Variants in IQGAP1 observed in about 807,000 individuals in gnomAD.
IQGAP1 encodes the protein IQ motif containing GTPase activating protein 1.
Under a neutral mutation model 215.6 loss-of-function variants are expected in IQGAP1, and 66 were observed. The ratio of observed to expected loss-of-function variants is 0.31; its 90% CI spans 0.25 to 0.38. The LOEUF is 0.38. IQGAP1 is among the 10% of genes least tolerant of loss of function. The probability of loss-of-function intolerance (pLI) is 1.00; values close to 1 mark genes in which losing one functional copy is unlikely to be tolerated. For synonymous variants in IQGAP1, 772 were observed against 728.7 expected (o/e 1.06, Z -0.96); for missense variants, 1,712 against 1,997.1 (o/e 0.86, Z 2.72).
At chr15:90,449,198 G>T (rs1229873258) in intron 10 of IQGAP1, among the ~76,000 whole-genome samples, 1 of 151,862 alleles carries the variant, frequency 6.6e-6, no homozygotes. Context: ...AACATGAGGG[G>T]CTTTCTTTTT....
intron 33 of IQGAP1, among the ~76,000 whole-genome samples, chr15:90,489,755 A>C (rs183968444): frequency 3.9e-5 from 6 of 152,386 alleles, no homozygotes; most frequent in African/African-American, 1.4e-4. Flanking sequence ...AAGGACATGT[A>C]AACCAATACT....
chr15:90,425,315 A>G (rs192160916), intron 2 of IQGAP1, among the ~76,000 whole-genome samples: 1 of 152,148 alleles, frequency 6.6e-6, no homozygotes, highest in Admixed American at 6.5e-5. Context: ...GTCTCAAAAG[A>G]AAAAAGAAGA....
intron 29 of IQGAP1, among the ~76,000 whole-genome samples, chr15:90,483,949 A>T (rs983930327): frequency 6.6e-6 from 1 of 152,216 alleles, no homozygotes; most frequent in African/African-American, 2.4e-5. Context: ...TAGAGATAGA[A>T]TTGGTTCTCC....
rs754002822 is a variant in IQGAP1 at position 90,481,995 on chromosome 15, T to G, written c.3365T>G (p.Leu1122Arg). ...TATGATGTGACCCCTGAGCAGGCGC[T>G]AGCTCATGAAGAAGTGAAGACACGG... ...LPYDVTPEQA[L>R]AHEEVKTRLD... Residue 1122 changes from leucine to arginine, a missense_variant, in exon 27 of 38, where the codon CTA becomes CGA. By Grantham distance (102) the Leu-to-Arg change is moderately radical (BLOSUM62 -2). Coordinates refer to ENST00000268182, the MANE Select transcript of IQGAP1 (RefSeq NM_003870.4). 7.2e-5 allele frequency: 117 copies of G among 1,614,114 alleles called. No individual in the cohort carries two copies. The highest frequency in any genetic ancestry group is 9.2e-5 in the Non-Finnish European group (109 of 1,180,044).
In IQGAP1 at chr15:90,481,947, T is replaced by C. The variant is rs757922133; in HGVS notation, c.3330-13T>C. The stretch of plus-strand genomic sequence containing the variant: ...TAGTCTAACATAGTTGGGTATAATT[T>C]CTGTCTTCCCAGCAAACTGCCCTAT... On this transcript the variant is annotated splice_polypyrimidine_tract_variant and intron_variant, in intron 26 of 37. Transcript: ENST00000268182. 1.9e-6 allele frequency: 3 copies of C among 1,614,004 alleles called. No individual in the cohort carries two copies. The South Asian group carries it at 3.3e-5, about 18-fold the overall frequency.
chr15:90,460,108 A>C (rs1437268978), intron 15 of IQGAP1, among the ~76,000 whole-genome samples: 1 of 148,360 alleles, frequency 6.7e-6, no homozygotes, highest in Non-Finnish European at 1.5e-5. Context: ...CTTGGATCTC[A>C]CACAAGAAAG....
At chr15:90,442,144 T>C (rs1200722642) in intron 8 of IQGAP1, among the ~76,000 whole-genome samples, 1 of 152,188 alleles carries the variant, frequency 6.6e-6, no homozygotes, top group Non-Finnish European at 1.5e-5. Context: ...TCCCAGATTC[T>C]CTGGGGTAAA....
At chr15:90,477,439 A>G (rs906570152) in intron 25 of IQGAP1, among the ~76,000 whole-genome samples, 1 of 152,030 alleles carries the variant, frequency 6.6e-6, no homozygotes, top group Admixed American at 6.6e-5. Context: ...ATTCTGTATT[A>G]AGGTATAATT....
At chr15:90,443,979 G>A (rs1347576797) in intron 9 of IQGAP1, among the ~76,000 whole-genome samples, 1 of 151,958 alleles carries the variant, frequency 6.6e-6, no homozygotes, top group African/African-American at 2.4e-5. Flanking sequence ...CAGGAGAATT[G>A]CTTGAACCTG....
chr15:90,467,524 G>A lies in IQGAP1; in HGVS notation c.2110G>A (p.Glu704Lys), dbSNP rs1355177923. Reference sequence around the variant, plus strand: ...TTATTACCACAATCTGGAGACCCAGGAAGGAGGATGGGATGAACCTCCAAA... The same window carrying A: ...TTATTACCACAATCTGGAGACCCAGAAAGGAGGATGGGATGAACCTCCAAA... ...YYYYHNLETQ[E>K]GGWDEPPNFV... The change falls in exon 18 of 38, where the codon GAA becomes AAA. Residue 704 changes from glutamate (E) to lysine (K), a missense_variant. Glu to Lys is a moderately conservative substitution (Grantham distance 56). Transcript: ENST00000268182. 6.2e-7 allele frequency: 1 copy of A among 1,613,284 alleles called. No homozygotes were observed.
rs1206656669 is a variant in IQGAP1 at position 90,439,365 on chromosome 15, G to A, written c.501G>A (p.Gln167=). 2 of 1,613,320 alleles carry A rather than the reference G, an allele frequency of 1.2e-6. No homozygotes were observed. Among genetic ancestry groups the A allele is most frequent in the Non-Finnish European group, 1.7e-6 (2 of 1,179,464 alleles). The change falls in exon 6 of 38, where the codon CAG becomes CAA. Residue 167 remains glutamine, a synonymous_variant. Transcript: ENST00000268182. The part of the protein sequence containing the change: ...LYLFKLGLAP[Q]IQDLYGKVDF... The stretch of plus-strand genomic sequence containing the variant: ...TGTTCAAGCTAGGCCTGGCCCCTCA[G>A]ATTCAAGACCTATATGGAAAGGTTG...
At position 90,473,733 on chromosome 15, in the gene IQGAP1, A is replaced by G. The variant is rs964339223; in HGVS notation, c.2368A>G (p.Lys790Glu). Residue 790 changes from lysine to glutamate, a missense_variant, in exon 20 of 38, where the codon AAG becomes GAG. By Grantham distance (56) the Lys-to-Glu change is moderately conservative. Transcript: ENST00000268182. ...TCIQSQWRGY[K>E]QKKAYQDRLA... ...GTTTCAGTCACAGTGGAGAGGATACAAGCAGAAGAAGGCATATCAAGATCG... is the reference window on the plus strand; with the variant it reads ...GTTTCAGTCACAGTGGAGAGGATACGAGCAGAAGAAGGCATATCAAGATCG... The G allele has an allele frequency of 6.2e-7, 1 of 1,609,994 alleles. No individual in the cohort carries two copies. The highest frequency in any genetic ancestry group is 8.5e-7 in the Non-Finnish European group (1 of 1,177,978).
intron 2 of IQGAP1, among the ~76,000 whole-genome samples, chr15:90,395,695 G>A (rs1309852497): frequency 6.6e-6 from 1 of 152,180 alleles, no homozygotes; most frequent in East Asian, 1.9e-4. Flanking sequence ...AATATGTGAG[G>A]TATGTTCAGT....
intron 2 of IQGAP1, among the ~76,000 whole-genome samples, chr15:90,403,168 C>T (rs892585048): frequency 4.6e-5 from 7 of 152,056 alleles, no homozygotes; most frequent in African/African-American, 1.7e-4. Context: ...TCCAGCTACT[C>T]GGGAGGCTGA....
At chr15:90,388,583 T>A (rs7170385) in intron 1 of IQGAP1, among the ~76,000 whole-genome samples, 187 bp downstream of exon 1, 23,819 of 151,606 alleles carry the variant, frequency 0.16, 2,046 homozygotes, top group South Asian at 0.22. Flanking sequence ...CCCCTCGGGG[T>A]CCGAGGCGGC....
At chr15:90,476,440 C>T (rs1965980656) in intron 23 of IQGAP1, among the ~76,000 whole-genome samples, 1 of 152,094 alleles carries the variant, frequency 6.6e-6, no homozygotes, top group Non-Finnish European at 1.5e-5. Flanking sequence ...TTTGCCAATT[C>T]AGTGGACATT....
chr15:90,483,337 ATCTT>A lies in IQGAP1; in HGVS notation c.3556-20_3556-17del, dbSNP rs1195902029. 3.2e-6 allele frequency: 5 copies of A among 1,549,390 alleles called. No homozygotes were observed. The highest frequency in any genetic ancestry group is 4.5e-6 in the Non-Finnish European group (5 of 1,122,372). ...CTTGGTGGTATGTCTTTTAATACCC[ATCTT>A]TCTGTTTCGTCTGTTCCAGATTATT... is the stretch of plus-strand genomic sequence containing the variant. On this transcript the variant is annotated intron_variant, in intron 28 of 37. Coordinates refer to ENST00000268182, the MANE Select transcript of IQGAP1 (RefSeq NM_003870.4).
At chr15:90,461,784 A>G (rs1174698320) in intron 15 of IQGAP1, among the ~76,000 whole-genome samples, 3 of 151,744 alleles carry the variant, frequency 2.0e-5, no homozygotes, top group Non-Finnish European at 4.4e-5. Context: ...CTGAGATCAT[A>G]CCACTGCACT....
intron 9 of IQGAP1, among the ~76,000 whole-genome samples, chr15:90,447,361 C>T (rs1965540750): frequency 6.6e-6 from 1 of 152,184 alleles, no homozygotes; most frequent in South Asian, 2.1e-4. Context: ...TAGTTCTAGT[C>T]TCCTCATTGC....
Sources: gnomAD v4.1 joint callset for allele counts (sites outside exome capture counted in the v4.1 genomes callset) on GRCh38, gnomAD v4.1.1 for gene constraint, MANE v1.5 for transcripts, NCBI Gene and HGNC (gene_info 2026-07-23, HGNC 2026-07-21) for gene names.